GSG1L: variants seen among roughly 807,000 people sequenced by gnomAD.
GSG1L encodes germ cell-specific gene 1-like protein.
In GSG1L, 24 loss-of-function variants were observed where a neutral mutation model predicts 42.1. The ratio of observed to expected loss-of-function variants is 0.57; its 90% CI spans 0.41 to 0.80. The LOEUF is 0.80. Among genes scored for constraint, GSG1L ranks in the 30% least tolerant of loss-of-function variants. The pLI is 0.00. For synonymous variants in GSG1L, 215 were observed against 203.5 expected (o/e 1.06, Z -0.48); for missense variants, 445 against 472.2 (o/e 0.94, Z 0.53).
chr16:27,835,920 G>C (rs972745817), intron 4 of GSG1L, among the ~76,000 whole-genome samples: 8 of 152,070 alleles, frequency 5.3e-5, no homozygotes, highest in African/African-American at 1.9e-4. Context: ...GAGAAGTAAA[G>C]TTTCTCTGTC....
At chr16:27,911,093 C>T (rs1016295962) in intron 2 of GSG1L, among the ~76,000 whole-genome samples, 4 of 152,142 alleles carry the variant, frequency 2.6e-5, no homozygotes, top group Admixed American at 2.0e-4. Flanking sequence ...GGGGACCTGG[C>T]ACTCCCTGTA....
At chr16:27,796,742 G>A (rs904163032) in intron 6 of GSG1L, among the ~76,000 whole-genome samples, 3 of 152,160 alleles carry the variant, frequency 2.0e-5, no homozygotes, top group South Asian at 2.1e-4. Flanking sequence ...GGGATTCCAC[G>A]TTTCTGAGCC....
chr16:27,802,229 G>T (rs909019556), intron 6 of GSG1L, among the ~76,000 whole-genome samples: 1 of 152,136 alleles, frequency 6.6e-6, no homozygotes, highest in East Asian at 1.9e-4. Context: ...TGCCTTATTC[G>T]TCTCCATGCT....
chr16:27,940,526 A>G (rs2084777434), intron 2 of GSG1L, among the ~76,000 whole-genome samples: 1 of 110,078 alleles, frequency 9.1e-6, no homozygotes, highest in Non-Finnish European at 2.3e-5. Context: ...TGCAGCCATA[A>G]AAAATGATGA....
Position 28,040,194 on chromosome 16 carries a change from C to T in GSG1L, c.349+22882G>A, listed in dbSNP as rs1328678493. ...AGTCGCCTCCTAACTGGACTCCAGC[C>T]ATTCACGCCTCCCTTCAGGTCCCTC... On this transcript the variant is annotated intron_variant, in intron 1 of 6. Transcript: ENST00000447459. The surrounding 1 kb of genome is among the most constrained non-coding windows in gnomAD (Gnocchi z 4.1). Among the ~76,000 whole-genome samples the T allele has an allele frequency of 6.6e-6, 1 of 152,200 alleles. No individual in the cohort carries two copies. The highest frequency in any genetic ancestry group is 1.5e-5 in the Non-Finnish European group (1 of 68,042).
intron 5 of GSG1L, among the ~76,000 whole-genome samples, chr16:27,808,287 G>C (rs772790774): frequency 6.6e-6 from 1 of 152,142 alleles, no homozygotes; most frequent in Non-Finnish European, 1.5e-5. Context: ...GGGTCTTGTC[G>C]TGTTGGCCAG....
At chr16:27,794,780 C>G (rs1279517966) in intron 6 of GSG1L, among the ~76,000 whole-genome samples, 2 of 152,138 alleles carry the variant, frequency 1.3e-5, no homozygotes, top group Non-Finnish European at 2.9e-5. Context: ...GAGGCAGATC[C>G]CAGCCTGTGT....
At chr16:27,933,582 T>C (rs2084679586) in intron 2 of GSG1L, among the ~76,000 whole-genome samples, 1 of 143,044 alleles carries the variant, frequency 7.0e-6, no homozygotes, top group African/African-American at 2.6e-5. Flanking sequence ...CCAGGAGTTC[T>C]AGGTTACAGT....
At chr16:27,877,744 C>T (rs2083905559) in intron 3 of GSG1L, among the ~76,000 whole-genome samples, 1 of 152,208 alleles carries the variant, frequency 6.6e-6, no homozygotes, top group Non-Finnish European at 1.5e-5. Context: ...AAATTGCCCA[C>T]CTTTGATATC....
chr16:27,993,973 TCTTATAAAAGG>T (rs2085485314), intron 1 of GSG1L, among the ~76,000 whole-genome samples: 1 of 152,224 alleles, frequency 6.6e-6, no homozygotes, highest in Non-Finnish European at 1.5e-5. Flanking sequence ...CTCATCCATT[TCTTATAAAAGG>T]CTTTGCATTC....
chr16:27,924,183 T>C (rs906722246), intron 2 of GSG1L, among the ~76,000 whole-genome samples: 11 of 151,516 alleles, frequency 7.3e-5, no homozygotes, highest in African/African-American at 2.7e-4. Context: ...ATATATAATG[T>C]CTATATACAC....
intron 5 of GSG1L, among the ~76,000 whole-genome samples, chr16:27,811,572 A>G (rs2140947918): frequency 6.6e-6 from 1 of 152,344 alleles, no homozygotes; most frequent in Non-Finnish European, 1.5e-5. Flanking sequence ...GGCTTCCAGC[A>G]TCCTCCTGCT....
At chr16:28,003,071 T>C (rs1192424043) in intron 1 of GSG1L, among the ~76,000 whole-genome samples, 1 of 152,200 alleles carries the variant, frequency 6.6e-6, no homozygotes, top group Non-Finnish European at 1.5e-5. Context: ...AAGAGGCTGT[T>C]GTGAGCGAGT....
chr16:27,959,304 A>C lies in GSG1L; in HGVS notation c.397+3852T>G, dbSNP rs1014451557. Among the ~76,000 whole-genome samples the C allele has an allele frequency of 1.0e-4, 9 of 87,066 alleles. 1 individual carries two copies. The highest frequency in any genetic ancestry group is 3.1e-4 in the African/African-American group (9 of 29,034). The allele number at this position is 87,066 out of a possible 152,430, so 57.1% of individuals were successfully genotyped here. A position where few individuals can be genotyped will look rare whatever the true frequency, so the allele number is the denominator to read the frequency against. ...GAAACCCCATCTCTACTAATAATACAAAAAAAAAAAAAAATTAGCCGGGCA... is the reference window on the plus strand; with the variant it reads ...GAAACCCCATCTCTACTAATAATACCAAAAAAAAAAAAAATTAGCCGGGCA... On this transcript the variant is annotated intron_variant, in intron 2 of 6. Coordinates refer to ENST00000447459, the MANE Select transcript of GSG1L (RefSeq NM_001109763.2).
rs2086092811 is a variant in GSG1L at position 28,040,402 on chromosome 16, C to T, written c.349+22674G>A. Among the ~76,000 whole-genome samples, 1 of 152,174 alleles carries T rather than the reference C, an allele frequency of 6.6e-6. No individual in the cohort carries two copies. The highest frequency in any genetic ancestry group is 1.5e-5 in the Non-Finnish European group (1 of 68,038). On this transcript the variant is annotated intron_variant, in intron 1 of 6. Transcript: ENST00000447459. The surrounding 1 kb of genome is among the most constrained non-coding windows in gnomAD (Gnocchi z 4.1). ...CTTTTCTTTCACTGTAATTCTCATG[C>T]TCTAAAACCATCTTATTTGCTTATC...
intron 3 of GSG1L, among the ~76,000 whole-genome samples, chr16:27,861,741 C>A (rs2083655089): frequency 6.6e-6 from 1 of 152,170 alleles, no homozygotes; most frequent in African/African-American, 2.4e-5. Context: ...GACCCAGGGC[C>A]TTTGCATGCA....
chr16:27,864,091 C>T (rs1466462778), intron 3 of GSG1L, among the ~76,000 whole-genome samples: 1 of 152,172 alleles, frequency 6.6e-6, no homozygotes, highest in East Asian at 1.9e-4. Context: ...CAGCTCCCAG[C>T]TTACATCCTC....
chr16:28,008,149 C>T (rs750797169), intron 1 of GSG1L, among the ~76,000 whole-genome samples: 60 of 151,762 alleles, frequency 4.0e-4, no homozygotes, highest in Middle Eastern at 3.2e-3. Context: ...GCATGATCTC[C>T]GCTCACTGCA....
chr16:27,814,643 C>T lies in GSG1L; in HGVS notation c.831-7089G>A, dbSNP rs187427967. ...GAGGTTGCAGTGAGCCGAGATTGCA[C>T]CATTGCACTCCAGCCTGGGTGACAG... On this transcript the variant is annotated intron_variant, in intron 5 of 6. Transcript: ENST00000447459. Among the ~76,000 whole-genome samples the T allele has an allele frequency of 5.3e-4, 79 of 148,498 alleles. 1 individual carries two copies. The East Asian group carries it at 0.013, about 25-fold the overall frequency.
Sources: allele counts gnomAD v4.1 joint callset (sites outside exome capture counted in the v4.1 genomes callset), GRCh38; gene constraint gnomAD v4.1.1; non-coding constraint Gnocchi (gnomAD v3.1); transcripts MANE v1.5; gene names NCBI Gene and HGNC (gene_info 2026-07-23, HGNC 2026-07-21).